Variants in SPAG16 observed in about 807,000 individuals in gnomAD.
The protein encoded by SPAG16 is sperm-associated antigen 16 protein.
SPAG16 carries 86 observed loss-of-function variants against 80.4 expected under a neutral mutation model. The ratio of observed to expected loss-of-function variants is 1.07; its 90% confidence interval spans 0.90 to 1.28. SPAG16 has a LOEUF of 1.28. Among genes scored for constraint, SPAG16 ranks in the 50% most tolerant of loss-of-function variants. SPAG16 has a pLI of 0.00. For missense variants in SPAG16, 870 were observed against 765.3 expected (o/e 1.14, Z -1.61); for synonymous variants, 294 against 265.9 (o/e 1.11, Z -1.03).
intron 11 of SPAG16, among the ~76,000 whole-genome samples, chr2:213,894,295 A>G (rs2076905473): frequency 6.6e-6 from 1 of 152,196 alleles, no homozygotes; most frequent in South Asian, 2.1e-4. Context: ...AGCATACACA[A>G]ATCAATAAAT....
At chr2:213,941,086 C>T (rs190172306) in intron 12 of SPAG16, among the ~76,000 whole-genome samples, 9 of 152,198 alleles carry the variant, frequency 5.9e-5, no homozygotes, top group African/African-American at 9.6e-5. Context: ...TGTGGGTCAC[C>T]GCAAAATGCC....
intron 13 of SPAG16, among the ~76,000 whole-genome samples, chr2:214,095,565 A>G (rs1336930615): frequency 1.3e-5 from 2 of 152,116 alleles, no homozygotes; most frequent in Non-Finnish European, 2.9e-5. Flanking sequence ...TATAAAACTG[A>G]GAATATTTTA....
intron 10 of SPAG16, among the ~76,000 whole-genome samples, chr2:213,514,549 G>C (rs989152856): frequency 4.0e-5 from 6 of 151,494 alleles, no homozygotes; most frequent in South Asian, 4.2e-4. Context: ...CATGTGCCAT[G>C]CTGGTGCGCT....
chr2:214,219,979 T>C (rs892240207), intron 15 of SPAG16, among the ~76,000 whole-genome samples: 7 of 152,024 alleles, frequency 4.6e-5, no homozygotes, highest in African/African-American at 1.7e-4. Flanking sequence ...CCTCTAGAGA[T>C]ACATTACATT....
At chr2:214,340,934 A>C (rs1404222203) in intron 15 of SPAG16, among the ~76,000 whole-genome samples, 1 of 152,232 alleles carries the variant, frequency 6.6e-6, no homozygotes, top group East Asian at 1.9e-4. Flanking sequence ...CATCAGGTAT[A>C]GAAAGGGAAC....
chr2:213,831,648 A>G (rs2073665275), intron 10 of SPAG16, among the ~76,000 whole-genome samples: 1 of 152,130 alleles, frequency 6.6e-6, no homozygotes, highest in African/African-American at 2.4e-5. Context: ...TCGTTTTTAC[A>G]AAAGTTATAA....
intron 10 of SPAG16, among the ~76,000 whole-genome samples, chr2:213,659,946 C>A (rs2063355455): frequency 6.6e-6 from 1 of 152,134 alleles, no homozygotes; most frequent in Non-Finnish European, 1.5e-5. Flanking sequence ...CAAACCCACT[C>A]TGTGAGTCCA....
At chr2:214,210,251 A>G (rs1335993616) in intron 15 of SPAG16, among the ~76,000 whole-genome samples, 1 of 151,020 alleles carries the variant, frequency 6.6e-6, no homozygotes, top group Non-Finnish European at 1.5e-5. Context: ...ACCCTCGAAC[A>G]TGTTTGAACT....
chr2:213,610,782 G>A (rs1961052), intron 10 of SPAG16, among the ~76,000 whole-genome samples: 65,304 of 152,024 alleles, frequency 0.43, 14,826 homozygotes, highest in African/African-American at 0.56. Flanking sequence ...TTAAAAAAAG[G>A]TCATGAGGAG....
chr2:213,302,250 C>T (rs1042409461), intron 3 of SPAG16, among the ~76,000 whole-genome samples: 11 of 152,056 alleles, frequency 7.2e-5, no homozygotes, highest in Non-Finnish European at 1.2e-4. Flanking sequence ...TGTGCTTATT[C>T]TGTGGTGTTT....
chr2:213,297,419 G>A (rs904554495), intron 3 of SPAG16, 62 bp downstream of exon 3: 43 of 1,005,426 alleles, frequency 4.3e-5, no homozygotes, highest in African/African-American at 2.5e-4. Context: ...TATGAAGTTT[G>A]GAAAGTCTTT....
chr2:213,502,681 G>T (rs1342812297), intron 10 of SPAG16, among the ~76,000 whole-genome samples: 3 of 152,094 alleles, frequency 2.0e-5, no homozygotes, highest in Non-Finnish European at 2.9e-5. Flanking sequence ...CACGTTAAAG[G>T]CTTTTCACAT....
chr2:214,207,640 A>G (rs2058179401), intron 15 of SPAG16, among the ~76,000 whole-genome samples: 1 of 152,144 alleles, frequency 6.6e-6, no homozygotes, highest in Admixed American at 6.6e-5. Flanking sequence ...GCATGGAAGG[A>G]TGCCTAGATA....
chr2:213,871,609 T>A (rs2075948097), intron 11 of SPAG16, among the ~76,000 whole-genome samples: 1 of 151,904 alleles, frequency 6.6e-6, no homozygotes, highest in African/African-American at 2.4e-5. Flanking sequence ...CTCAAGGACT[T>A]GCACAAGCAG....
intron 15 of SPAG16, among the ~76,000 whole-genome samples, chr2:214,315,170 G>C (rs914242401): frequency 2.0e-5 from 3 of 152,084 alleles, no homozygotes; most frequent in African/African-American, 7.2e-5. Flanking sequence ...GAGCAGTCAG[G>C]GAACAGGAAG....
intron 11 of SPAG16, among the ~76,000 whole-genome samples, chr2:213,892,953 C>T (rs573427887): frequency 1.5e-3 from 222 of 152,204 alleles, no homozygotes; most frequent in African/African-American, 5.2e-3. Context: ...TACATCCAAG[C>T]ACACATAGGC....
chr2:214,198,259 C>A (rs986976928), intron 15 of SPAG16, among the ~76,000 whole-genome samples: 2 of 151,950 alleles, frequency 1.3e-5, no homozygotes, highest in African/African-American at 2.4e-5. Flanking sequence ...ACCCTTCCCC[C>A]ACCCACTGAG....
chr2:213,998,057 T>A (rs1014167521), intron 12 of SPAG16, among the ~76,000 whole-genome samples: 1 of 152,204 alleles, frequency 6.6e-6, no homozygotes, highest in Non-Finnish European at 1.5e-5. Flanking sequence ...GTTTCTATAG[T>A]CTTTACTGGG....
At chr2:213,512,283 A>C (rs938816083) in intron 10 of SPAG16, among the ~76,000 whole-genome samples, 1 of 152,190 alleles carries the variant, frequency 6.6e-6, no homozygotes, top group Non-Finnish European at 1.5e-5. Context: ...TTTCTGTAGT[A>C]TGATAAAGTT....
Sources: gnomAD v4.1 joint callset for allele counts (sites outside exome capture counted in the v4.1 genomes callset) on GRCh38, gnomAD v4.1.1 for gene constraint, MANE v1.5 for transcripts, NCBI Gene and HGNC (gene_info 2026-07-23, HGNC 2026-07-21) for gene names.